Variants in MARCHF1 observed in about 807,000 individuals in gnomAD.
The protein encoded by MARCHF1 is E3 ubiquitin-protein ligase MARCHF1.
In MARCHF1, 40 loss-of-function variants were observed where a neutral mutation model predicts 54.2. The observed-to-expected ratio is 0.74, with a 90% confidence interval of 0.57 to 0.96. MARCHF1 has a LOEUF of 0.96. MARCHF1 is among the 40% of genes least tolerant of loss of function. The pLI is 0.00. For synonymous variants in MARCHF1, 236 were observed against 236.3 expected, an observed-to-expected ratio of 1.00 and a Z score of 0.01; for missense variants, 586 against 656.5, an observed-to-expected ratio of 0.89 and a Z score of 1.17.
At chr4:164,160,228 T>C (rs1388168141) in intron 1 of MARCHF1, among the ~76,000 whole-genome samples, 1 of 152,166 alleles carries the variant, frequency 6.6e-6, no homozygotes, top group African/African-American at 2.4e-5. Context: ...TTTCCTCATC[T>C]TGTGAATATT....
intron 3 of MARCHF1, among the ~76,000 whole-genome samples, chr4:163,977,097 T>A (rs896350686): frequency 6.6e-6 from 1 of 151,740 alleles, no homozygotes; most frequent in Non-Finnish European, 1.5e-5. Flanking sequence ...AACACATACA[T>A]CATGTGTTCA....
At chr4:163,554,060 T>C (rs1292355410) in intron 8 of MARCHF1, among the ~76,000 whole-genome samples, 1 of 152,224 alleles carries the variant, frequency 6.6e-6, no homozygotes, top group African/African-American at 2.4e-5. Flanking sequence ...AGGGCTCACA[T>C]TGCTTTGCAG....
intron 1 of MARCHF1, among the ~76,000 whole-genome samples, chr4:164,163,517 A>T (rs1476828370): frequency 6.6e-6 from 1 of 152,018 alleles, no homozygotes; most frequent in Non-Finnish European, 1.5e-5. Context: ...TAGAAAACCA[A>T]TCAATTAATA....
chr4:163,801,943 A>G (rs1267458677), intron 4 of MARCHF1, among the ~76,000 whole-genome samples: 1 of 151,912 alleles, frequency 6.6e-6, no homozygotes, highest in East Asian at 1.9e-4. Context: ...TTACTTTTAA[A>G]ATTTCCGTTG....
chr4:164,339,464 C>T (rs1729852128), intron 1 of MARCHF1, among the ~76,000 whole-genome samples: 1 of 151,688 alleles, frequency 6.6e-6, no homozygotes, highest in Admixed American at 6.6e-5. Flanking sequence ...ATCAACATAC[C>T]CCTGAACAAC....
chr4:164,247,568 T>G (rs1024880995), intron 1 of MARCHF1, among the ~76,000 whole-genome samples: 1 of 143,726 alleles, frequency 7.0e-6, no homozygotes, highest in Non-Finnish European at 1.5e-5. Flanking sequence ...GTAACTAACA[T>G]GCACAATGTG....
intron 3 of MARCHF1, among the ~76,000 whole-genome samples, chr4:163,884,319 T>C (rs1163226122): frequency 6.6e-6 from 1 of 152,152 alleles, no homozygotes; most frequent in African/African-American, 2.4e-5. Context: ...AATTATAAAA[T>C]AAATATATCT....
At chr4:163,864,468 A>G (rs1750008095) in intron 3 of MARCHF1, among the ~76,000 whole-genome samples, 1 of 151,998 alleles carries the variant, frequency 6.6e-6, no homozygotes, top group Non-Finnish European at 1.5e-5. Flanking sequence ...CCCGAAAACT[A>G]AATGTAATGC....
intron 1 of MARCHF1, among the ~76,000 whole-genome samples, chr4:164,118,094 T>C (rs975933718): frequency 6.6e-6 from 1 of 151,822 alleles, no homozygotes; most frequent in Admixed American, 6.6e-5. Context: ...CCAAAATGCA[T>C]ATAATTGAAG....
chr4:163,633,703 C>T (rs1742196586), intron 5 of MARCHF1, among the ~76,000 whole-genome samples: 1 of 152,168 alleles, frequency 6.6e-6, no homozygotes, highest in Non-Finnish European at 1.5e-5. Flanking sequence ...CTTCCCCAAT[C>T]TAGCAAGGCA....
chr4:163,953,526 T>G (rs1314728782), intron 3 of MARCHF1, among the ~76,000 whole-genome samples: 1 of 152,196 alleles, frequency 6.6e-6, no homozygotes, highest in Non-Finnish European at 1.5e-5. Context: ...TCTGTTTTTC[T>G]TCTCAGATCT....
At chr4:164,087,268 G>T (rs1051585059) in intron 2 of MARCHF1, among the ~76,000 whole-genome samples, 1 of 152,026 alleles carries the variant, frequency 6.6e-6, no homozygotes, top group African/African-American at 2.4e-5. Flanking sequence ...GAGGGATGAA[G>T]AAATGATTCC....
intron 3 of MARCHF1, among the ~76,000 whole-genome samples, chr4:163,976,596 A>G (rs1223639031): frequency 1.3e-5 from 2 of 152,164 alleles, no homozygotes; most frequent in Non-Finnish European, 2.9e-5. Context: ...TACTGCCTCA[A>G]TGACGTCTGG....
At chr4:164,243,568 G>C (rs1429292174) in intron 1 of MARCHF1, among the ~76,000 whole-genome samples, 1 of 151,574 alleles carries the variant, frequency 6.6e-6, no homozygotes, top group Non-Finnish European at 1.5e-5. Flanking sequence ...AAAATAACCA[G>C]CTAACATCAT....
chr4:164,264,268 T>C (rs1733546659), intron 1 of MARCHF1, among the ~76,000 whole-genome samples: 1 of 152,174 alleles, frequency 6.6e-6, no homozygotes, highest in Admixed American at 6.5e-5. Flanking sequence ...CTCTCAGTTA[T>C]CAGCGGGAGC....
intron 2 of MARCHF1, among the ~76,000 whole-genome samples, chr4:163,997,978 G>A (rs1223799172): frequency 6.7e-6 from 1 of 148,836 alleles, no homozygotes; most frequent in African/African-American, 2.5e-5. Flanking sequence ...CATGCAAAAT[G>A]TCTAAAAAAA....
intron 1 of MARCHF1, among the ~76,000 whole-genome samples, chr4:164,201,462 C>T (rs191526594): frequency 2.0e-5 from 3 of 152,208 alleles, no homozygotes; most frequent in East Asian, 1.9e-4. Flanking sequence ...CCTCGTGACC[C>T]GCCCGCCTGG....
At chr4:163,878,186 G>A (rs17474585) in intron 3 of MARCHF1, among the ~76,000 whole-genome samples, 28,420 of 152,072 alleles carry the variant, frequency 0.19, 3,016 homozygotes, top group South Asian at 0.32. Flanking sequence ...GACACTTTCC[G>A]AATACCAGCT....
intron 1 of MARCHF1, among the ~76,000 whole-genome samples, chr4:164,293,686 T>C (rs1244157513): frequency 6.6e-6 from 1 of 152,260 alleles, no homozygotes; most frequent in Non-Finnish European, 1.5e-5. Flanking sequence ...ATAGCTAGTA[T>C]ATACACTTAA....
Sources: gnomAD v4.1 joint callset for allele counts (sites outside exome capture counted in the v4.1 genomes callset) on GRCh38, gnomAD v4.1.1 for gene constraint, MANE v1.5 for transcripts, NCBI Gene and HGNC (gene_info 2026-07-23, HGNC 2026-07-21) for gene names.